The following SLC6A11 variants were observed in gnomAD, a reference collection of about 807,000 sequenced individuals.
SLC6A11 encodes sodium- and chloride-dependent GABA transporter 3.
In SLC6A11, 25 loss-of-function variants were observed where a neutral mutation model predicts 74.8. The observed-to-expected ratio is 0.33, with a 90% CI of 0.24 to 0.47. The LOEUF is 0.47. Among genes scored for constraint, SLC6A11 ranks in the 20% least tolerant of loss-of-function variants. SLC6A11 has a pLI of 1.00. For synonymous variants in SLC6A11, 330 were observed against 330.2 expected, an observed-to-expected ratio of 1.00 and a Z score of 0.01; for missense variants, 574 against 837.0, an observed-to-expected ratio of 0.69 and a Z score of 3.88.
At chr3:10,858,490 C>T (rs1694664435) in intron 5 of SLC6A11, among the ~76,000 whole-genome samples, 1 of 152,204 alleles carries the variant, frequency 6.6e-6, no homozygotes, top group Admixed American at 6.5e-5. Flanking sequence ...GCATCACCTC[C>T]ATCTTTATGA....
chr3:10,876,760 C>T (rs1182076032), intron 6 of SLC6A11, among the ~76,000 whole-genome samples: 1 of 97,624 alleles, frequency 1.0e-5, no homozygotes, highest in African/African-American at 3.8e-5. Context: ...CGCCCCACCT[C>T]CCACACAGAG....
chr3:10,828,140 G>A (rs1190024426), intron 4 of SLC6A11, among the ~76,000 whole-genome samples: 1 of 152,158 alleles, frequency 6.6e-6, no homozygotes, highest in Non-Finnish European at 1.5e-5. Flanking sequence ...AACCAATATT[G>A]TGGCATCAGA....
chr3:10,894,220 T>A (rs985367058), intron 6 of SLC6A11, among the ~76,000 whole-genome samples: 4 of 152,182 alleles, frequency 2.6e-5, no homozygotes, highest in Non-Finnish European at 4.4e-5. Flanking sequence ...GTTAGTCAGA[T>A]TCCCAGGGAA....
At chr3:10,869,113 T>C (rs1694799593) in intron 5 of SLC6A11, among the ~76,000 whole-genome samples, 1 of 152,214 alleles carries the variant, frequency 6.6e-6, no homozygotes, top group Non-Finnish European at 1.5e-5. Context: ...CTATATACAC[T>C]GTCCTGGGTG....
chr3:10,827,664 A>G (rs1694231877), intron 4 of SLC6A11, among the ~76,000 whole-genome samples: 1 of 152,182 alleles, frequency 6.6e-6, no homozygotes, highest in South Asian at 2.1e-4. Flanking sequence ...AGCTCCTGGT[A>G]CACATAAGAA....
chr3:10,927,035 G>A (rs2106633519), intron 9 of SLC6A11, among the ~76,000 whole-genome samples: 1 of 152,306 alleles, frequency 6.6e-6, no homozygotes, highest in South Asian at 2.1e-4. Flanking sequence ...CAGCCTGTGG[G>A]AGTGCCGCCC....
At chr3:10,846,373 G>C (rs548926935) in intron 5 of SLC6A11, among the ~76,000 whole-genome samples, 1 of 152,328 alleles carries the variant, frequency 6.6e-6, no homozygotes, top group South Asian at 2.1e-4. Context: ...CCTCATGGGA[G>C]TTGACACAGA....
chr3:10,916,735 G>A (rs192858433), intron 7 of SLC6A11, among the ~76,000 whole-genome samples: 21 of 152,348 alleles, frequency 1.4e-4, no homozygotes, highest in African/African-American at 5.0e-4. Context: ...GAAGAAGGTT[G>A]TGAGAGTGAT....
chr3:10,829,468 G>A (rs769180425), intron 4 of SLC6A11, among the ~76,000 whole-genome samples: 4 of 152,190 alleles, frequency 2.6e-5, no homozygotes, highest in Non-Finnish European at 5.9e-5. Context: ...CCCTTTCCTA[G>A]GTCAGCACTG....
At chr3:10,835,700 G>A (rs34979892) in intron 4 of SLC6A11, among the ~76,000 whole-genome samples, 18,600 of 152,200 alleles carry the variant, frequency 0.12, 1,548 homozygotes, top group South Asian at 0.31. Context: ...CTCGGACAAG[G>A]TAGCTATTTC....
chr3:10,853,990 G>A (rs1166269874), intron 5 of SLC6A11, among the ~76,000 whole-genome samples: 1 of 152,202 alleles, frequency 6.6e-6, no homozygotes, highest in Non-Finnish European at 1.5e-5. Context: ...CTTCTGTACG[G>A]CTTTCATTGT....
chr3:10,937,228 G>C (rs1318129400), intron 13 of SLC6A11, among the ~76,000 whole-genome samples: 1 of 152,200 alleles, frequency 6.6e-6, no homozygotes, highest in African/African-American at 2.4e-5. Flanking sequence ...TGAGGAAACT[G>C]AGGCACGGGG....
chr3:10,918,499 A>G lies in SLC6A11; in HGVS notation c.1120+46A>G, dbSNP rs1394572890. Reference sequence around the variant, plus strand: ...GATGGAAAAGGCGGCAAGGGAGGCCAGGAGTGATGGTCATCATGGAAATGC... The same window carrying G: ...GATGGAAAAGGCGGCAAGGGAGGCCGGGAGTGATGGTCATCATGGAAATGC... On this transcript the variant is annotated intron_variant, in intron 8 of 13. Coordinates refer to ENST00000254488, the MANE Select transcript of SLC6A11 (RefSeq NM_014229.3). This position sits in a 1 kb window ranked among gnomAD's most constrained non-coding sequence, Gnocchi z 4.5. 1 of 1,574,408 alleles carries G rather than the reference A, an allele frequency of 6.4e-7. No individual in the cohort carries two copies. The highest frequency in any genetic ancestry group is 1.2e-5 in the South Asian group (1 of 85,646).
chr3:10,841,892 T>A (rs1487858666), intron 4 of SLC6A11, among the ~76,000 whole-genome samples: 1 of 152,234 alleles, frequency 6.6e-6, no homozygotes, highest in Non-Finnish European at 1.5e-5. Context: ...ACCTCGTGTG[T>A]TCCTCCAGTG....
intron 5 of SLC6A11, among the ~76,000 whole-genome samples, chr3:10,854,704 C>T (rs1694617777): frequency 6.6e-6 from 1 of 152,222 alleles, no homozygotes; most frequent in Admixed American, 6.5e-5. Context: ...GGATGCAGAT[C>T]TGTCTGGTTC....
intron 5 of SLC6A11, among the ~76,000 whole-genome samples, chr3:10,863,125 A>AAGTGTTTC (rs2106595766): frequency 6.6e-6 from 1 of 152,320 alleles, no homozygotes; most frequent in South Asian, 2.1e-4. Flanking sequence ...TCTTCCCAGG[A>AAGTGTTTC]AGTGTTTCAG....
chr3:10,881,785 A>C (rs1694984679), intron 6 of SLC6A11, among the ~76,000 whole-genome samples: 1 of 152,100 alleles, frequency 6.6e-6, no homozygotes. Flanking sequence ...CCACATCCCC[A>C]CCAGAGCGAT....
Position 10,816,338 on chromosome 3 carries a change from G to C in SLC6A11, c.73G>C (p.Gly25Arg), listed in dbSNP as rs1488026836. 3 of 1,421,398 alleles carry C rather than the reference G, an allele frequency of 2.1e-6. No homozygotes were observed. Among genetic ancestry groups the C allele is most frequent in the Non-Finnish European group, 2.7e-6 (3 of 1,091,006 alleles). 88.0% of individuals were successfully genotyped at this position (1,421,398 alleles called of 1,614,324 possible). ...GGAGGCGCGGGAGTCCGAGGCGCCG[G>C]GTGGCGGCTGCAGCAGCGGGGGCGC... ...AEEARESEAP[G>R]GGCSSGGAAP... The change falls in exon 1 of 14, where the codon GGT becomes CGT. Residue 25 changes from glycine to arginine, a missense_variant. Around this residue, in one of 4 missense-constraint regions of SLC6A11, gnomAD observed 86 missense variants for 87.4 expected, o/e 0.98. Coordinates refer to ENST00000254488, the MANE Select transcript of SLC6A11 (RefSeq NM_014229.3). This position sits in a 1 kb window ranked among gnomAD's most constrained non-coding sequence, Gnocchi z 4.2.
chr3:10,823,243 A>G (rs1694160491), intron 3 of SLC6A11, 59 bp from the exon 4 acceptor site: 2 of 1,292,832 alleles, frequency 1.5e-6, no homozygotes, highest in Non-Finnish European at 2.2e-6. Context: ...AATGTTTTTC[A>G]GGATTCAGCT....
Sources: allele counts gnomAD v4.1 joint callset (sites outside exome capture counted in the v4.1 genomes callset), GRCh38; gene constraint gnomAD v4.1.1; regional missense constraint gnomAD v4.1.1; non-coding constraint Gnocchi (gnomAD v3.1); transcripts MANE v1.5; gene names NCBI Gene and HGNC (gene_info 2026-07-23, HGNC 2026-07-21).